Variants in DNMBP observed in about 807,000 individuals in gnomAD.
The protein encoded by DNMBP is dynamin binding protein.
A neutral mutation model predicts 150.0 loss-of-function variants in DNMBP; 87 were observed. The ratio of observed to expected loss-of-function variants is 0.58; its 90% CI spans 0.49 to 0.69. The LOEUF (loss-of-function observed/expected upper bound fraction) is 0.69. Among genes scored for constraint, DNMBP ranks in the 30% least tolerant of loss-of-function variants. The pLI is 0.00. For synonymous variants in DNMBP, 711 were observed against 750.4 expected, an observed-to-expected ratio of 0.95 and a Z score of 0.86; for missense variants, 1,774 against 1,949.0, an observed-to-expected ratio of 0.91 and a Z score of 1.69.
At chr10:99,984,347 C>A (rs61873794) in intron 1 of DNMBP, among the ~76,000 whole-genome samples, 2 of 152,126 alleles carry the variant, frequency 1.3e-5, no homozygotes, top group African/African-American at 4.8e-5. Context: ...AATTTAAGAA[C>A]CACTGACTCA....
chr10:99,911,917 G>A (rs1457282022), intron 4 of DNMBP, among the ~76,000 whole-genome samples: 1 of 152,018 alleles, frequency 6.6e-6, no homozygotes, highest in African/African-American at 2.4e-5. Context: ...TCCCAAATAT[G>A]GTCTCATTAG....
At chr10:99,923,567 A>AT (rs755861686) in intron 4 of DNMBP, among the ~76,000 whole-genome samples, 2 of 151,972 alleles carry the variant, frequency 1.3e-5, no homozygotes, top group Non-Finnish European at 2.9e-5. Flanking sequence ...TATCTCAGTG[A>AT]TACAGCTATG....
intron 3 of DNMBP, among the ~76,000 whole-genome samples, chr10:99,959,735 G>C (rs894243108): frequency 5.3e-5 from 8 of 151,614 alleles, no homozygotes; most frequent in African/African-American, 1.9e-4. Context: ...GAGCGCTATA[G>C]TCCCAGCTAC....
At chr10:99,883,633 T>G in intron 15 of DNMBP, among the ~76,000 whole-genome samples, 1 of 58,194 alleles carries the variant, frequency 1.7e-5, no homozygotes, top group Non-Finnish European at 3.3e-5. Flanking sequence ...AGAGCAAGAC[T>G]GCCACAAAAA....
At chr10:99,999,012 C>T (rs905648242) in intron 1 of DNMBP, among the ~76,000 whole-genome samples, 1 of 152,178 alleles carries the variant, frequency 6.6e-6, no homozygotes, top group Non-Finnish European at 1.5e-5. Flanking sequence ...TTTCTCCTTT[C>T]GGAGGTGCCA....
intron 6 of DNMBP, 53 bp downstream of exon 6, chr10:99,907,942 G>A (rs1285247768): frequency 7.2e-7 from 1 of 1,381,862 alleles, no homozygotes; most frequent in Admixed American, 1.7e-5. Flanking sequence ...ACTTACTCCT[G>A]CCCATGAAGT....
intron 1 of DNMBP, among the ~76,000 whole-genome samples, chr10:100,001,413 G>GTTTTTTTTT (rs531398004): frequency 1.8e-5 from 2 of 111,270 alleles, no homozygotes; most frequent in African/African-American, 3.5e-5. Context: ...TGTTGTTGTT[G>GTTTTTTTTT]TTTTTTTTTT....
intron 2 of DNMBP, among the ~76,000 whole-genome samples, chr10:99,971,214 CCT>C (rs1442961098): frequency 2.0e-5 from 3 of 151,832 alleles, no homozygotes; most frequent in African/African-American, 7.3e-5. Context: ...GAAATCTTCC[CCT>C]AACTGGTAGA....
Position 99,877,077 on chromosome 10 carries a change from C to CT in DNMBP, c.*73dup. 1 of 1,435,714 alleles carries CT rather than the reference C, an allele frequency of 7.0e-7. No individual in the cohort carries two copies. Among genetic ancestry groups the CT allele is most frequent in the Middle Eastern group, 2.1e-4 (1 of 4,814 alleles). The allele number at this position is 1,435,714 out of a possible 1,614,324, so 88.9% of individuals were successfully genotyped here. A position where few individuals can be genotyped will look rare whatever the true frequency, so the allele number is the denominator to read the frequency against. ...GGCCTGTGTCTCAGGAGCAGGCGCCCTCTCGGTGGGCCGCCAGAACCCTCG... is the reference window on the plus strand; with the variant it reads ...GGCCTGTGTCTCAGGAGCAGGCGCCCTTCTCGGTGGGCCGCCAGAACCCTCG... On this transcript the variant is annotated 3_prime_UTR_variant, in exon 17 of 17. Coordinates refer to ENST00000324109, the MANE Select transcript of DNMBP (RefSeq NM_015221.4).
intron 1 of DNMBP, among the ~76,000 whole-genome samples, chr10:99,994,581 T>G (rs1192995099): frequency 6.6e-6 from 1 of 152,182 alleles, no homozygotes; most frequent in Non-Finnish European, 1.5e-5. Context: ...GCCCCTCTAC[T>G]CTAAGCTCTA....
intron 15 of DNMBP, among the ~76,000 whole-genome samples, chr10:99,881,817 T>A (rs957248283): frequency 2.0e-5 from 3 of 152,184 alleles, no homozygotes; most frequent in African/African-American, 7.2e-5. Context: ...ATCCACAAGA[T>A]GCTTTTAAAG....
At chr10:99,962,427 T>G (rs1649399189) in intron 3 of DNMBP, among the ~76,000 whole-genome samples, 1 of 152,082 alleles carries the variant, frequency 6.6e-6, no homozygotes, top group African/African-American at 2.4e-5. Context: ...GTCAGGAGAT[T>G]GAGACCATCC....
chr10:99,929,925 CGA>C, intron 4 of DNMBP: 1 of 702,880 alleles, frequency 1.4e-6, no homozygotes. Context: ...TCTGGAATTA[CGA>C]GATTTATATG....
At chr10:99,939,452 A>C (rs947837222) in intron 4 of DNMBP, among the ~76,000 whole-genome samples, 1 of 152,252 alleles carries the variant, frequency 6.6e-6, no homozygotes, top group African/African-American at 2.4e-5. Flanking sequence ...AACACTGAGA[A>C]AATTATAACA....
At chr10:99,899,372 C>T (rs1322242396) in intron 7 of DNMBP, among the ~76,000 whole-genome samples, 12 of 152,106 alleles carry the variant, frequency 7.9e-5, no homozygotes, top group Admixed American at 2.6e-4. Context: ...GAGGCCGAGG[C>T]AGGCGGATCA....
intron 4 of DNMBP, chr10:99,930,814 G>A (rs1224467656): frequency 3.2e-6 from 2 of 616,104 alleles, no homozygotes; most frequent in Non-Finnish European, 5.8e-6. Context: ...CATGGGCCTG[G>A]GCTGGGCTGT....
chr10:99,885,821 G>A lies in DNMBP; in HGVS notation c.3664C>T (p.His1222Tyr), dbSNP rs1182982489. ...GREGNLIAIF[H>Y]EEHSRVLQQL... ...TGCAGAACTCTGCTGTGCTCTTCGT[G>A]GAAGATGGCAATAAGGTTTCCCTCT... The change falls in exon 14 of 17, where the codon CAC becomes TAC. Residue 1222 changes from histidine to tyrosine, a missense_variant. Coordinates refer to ENST00000324109, the MANE Select transcript of DNMBP (RefSeq NM_015221.4). The A allele has an allele frequency of 1.1e-5, 17 of 1,613,206 alleles. No individual in the cohort carries two copies. Among genetic ancestry groups the A allele is most frequent in the Non-Finnish European group, 1.4e-5 (17 of 1,179,798 alleles).
chr10:99,966,527 CCTCTGAACAG>C (rs1251500296), intron 3 of DNMBP, among the ~76,000 whole-genome samples: 4 of 152,206 alleles, frequency 2.6e-5, no homozygotes, highest in African/African-American at 9.7e-5. Context: ...CTACCCACAT[CCTCTGAACAG>C]CTCAGCGGAA....
chr10:99,955,033 A>G (rs1395222750), intron 4 of DNMBP, among the ~76,000 whole-genome samples, 181 bp downstream of exon 4: 1 of 150,760 alleles, frequency 6.6e-6, no homozygotes, highest in East Asian at 1.9e-4. Context: ...AGCCTGGGCA[A>G]CAGAGCGAGA....
Sources: gnomAD v4.1 joint callset for allele counts (sites outside exome capture counted in the v4.1 genomes callset) on GRCh38, gnomAD v4.1.1 for gene constraint, MANE v1.5 for transcripts, NCBI Gene and HGNC (gene_info 2026-07-23, HGNC 2026-07-21) for gene names.